The following CCDC6 variants were observed in gnomAD, a reference collection of about 807,000 sequenced individuals.
The protein encoded by CCDC6 is coiled-coil domain-containing protein 6.
CCDC6 carries 20 observed loss-of-function variants against 56.6 expected under a neutral mutation model. That is an observed-to-expected ratio of 0.35 (90% CI 0.25 to 0.51). The LOEUF (loss-of-function observed/expected upper bound fraction) is 0.51, where lower values mean the gene tolerates loss of function less well. CCDC6 is among the 20% of genes least tolerant of loss of function. The pLI, the probability that CCDC6 is intolerant of heterozygous loss-of-function variation, is 0.95. For missense variants in CCDC6, 367 were observed against 601.1 expected, an observed-to-expected ratio of 0.61 and a Z score of 4.07; for synonymous variants, 241 against 234.4, an observed-to-expected ratio of 1.03 and a Z score of -0.26.
chr10:59,804,778 G>A (rs1030737828), intron 6 of CCDC6: 3 of 409,818 alleles, frequency 7.3e-6, no homozygotes, highest in African/African-American at 4.0e-5. Context: ...TGAAAGAGGT[G>A]CACCACACCA....
Position 59,906,490 on chromosome 10 carries a change from C to A in CCDC6, c.-66G>T, listed in dbSNP as rs1437479608. On this transcript the variant is annotated 5_prime_UTR_variant, in exon 1 of 9. Transcript: ENST00000263102. Reference sequence around the variant, plus strand: ...GGCGGCGGCGACGAAGGCCGGGCTGCGAATGAGTGGGCGCCGGGCGAGCAC... The same window carrying A: ...GGCGGCGGCGACGAAGGCCGGGCTGAGAATGAGTGGGCGCCGGGCGAGCAC... The A allele has an allele frequency of 1.3e-5, 17 of 1,344,192 alleles. No individual in the cohort carries two copies. Among genetic ancestry groups the A allele is most frequent in the East Asian group, 2.8e-5 (1 of 35,266 alleles). The allele number at this position is 1,344,192 out of a possible 1,614,324, so 83.3% of individuals were successfully genotyped here.
chr10:59,846,218 A>C (rs1373434247), intron 2 of CCDC6, among the ~76,000 whole-genome samples: 19 of 152,352 alleles, frequency 1.2e-4, no homozygotes, highest in Non-Finnish European at 1.0e-4. Flanking sequence ...CCACTTCTCC[A>C]GAATTGACAG....
At chr10:59,814,599 AAC>A (rs111613433) in intron 4 of CCDC6, 51 bp downstream of exon 4, 75,707 of 802,644 alleles carry the variant, frequency 0.094, no homozygotes, top group East Asian at 0.2. Flanking sequence ...CCAGAGCAGC[AAC>A]ACACACACAC....
chr10:59,822,829 C>T (rs2070758546), intron 3 of CCDC6, among the ~76,000 whole-genome samples: 3 of 152,098 alleles, frequency 2.0e-5, no homozygotes, highest in Non-Finnish European at 2.9e-5. Context: ...ACTCATATCC[C>T]TGTTTTTCCA....
At chr10:59,817,723 A>T (rs1265308363) in intron 3 of CCDC6, among the ~76,000 whole-genome samples, 2 of 152,022 alleles carry the variant, frequency 1.3e-5, no homozygotes, top group African/African-American at 4.8e-5. Flanking sequence ...GTCTTTACCC[A>T]TATGTAACTA....
chr10:59,863,277 T>C (rs796494277), intron 1 of CCDC6, among the ~76,000 whole-genome samples: 1 of 152,360 alleles, frequency 6.6e-6, no homozygotes, highest in African/African-American at 2.4e-5. Context: ...CATTTTGTCA[T>C]GCTTTATAAC....
intron 1 of CCDC6, among the ~76,000 whole-genome samples, chr10:59,875,123 T>C (rs2071267259): frequency 6.6e-6 from 1 of 152,164 alleles, no homozygotes; most frequent in African/African-American, 2.4e-5. Flanking sequence ...GGAAAAAACA[T>C]GGTGGGAACC....
At chr10:59,874,160 T>C (rs1423665727) in intron 1 of CCDC6, among the ~76,000 whole-genome samples, 1 of 137,302 alleles carries the variant, frequency 7.3e-6, no homozygotes, top group Non-Finnish European at 1.6e-5. Context: ...CACCCCTACA[T>C]AGATTCCATA....
intron 1 of CCDC6, among the ~76,000 whole-genome samples, chr10:59,861,751 A>G (rs1295152330): frequency 6.6e-6 from 1 of 152,240 alleles, no homozygotes; most frequent in South Asian, 2.1e-4. Context: ...AAACTGAAAG[A>G]TAAGTCAACA....
chr10:59,825,642 C>A (rs2070782205), intron 3 of CCDC6, among the ~76,000 whole-genome samples: 2 of 152,180 alleles, frequency 1.3e-5, no homozygotes, highest in Admixed American at 1.3e-4. Context: ...GAGTTAGTTG[C>A]TGTAGCTACT....
chr10:59,904,067 A>G (rs1334493277), intron 1 of CCDC6, among the ~76,000 whole-genome samples: 4 of 152,224 alleles, frequency 2.6e-5, no homozygotes, highest in African/African-American at 9.6e-5. Flanking sequence ...TGAATATATT[A>G]GTCAGAAATT....
intron 2 of CCDC6, among the ~76,000 whole-genome samples, chr10:59,837,819 A>G (rs2070897518): frequency 9.7e-6 from 1 of 103,558 alleles, no homozygotes; most frequent in Non-Finnish European, 1.9e-5. Context: ...TCACTAGTCA[A>G]CTAATATCTG....
chr10:59,866,232 C>T lies in CCDC6; in HGVS notation c.304-13530G>A, dbSNP rs148331518. Among the ~76,000 whole-genome samples, 654 of 152,324 alleles carry T rather than the reference C, an allele frequency of 4.3e-3. 6 individuals are homozygous for T. The highest frequency in any genetic ancestry group is 0.015 in the African/African-American group (634 of 41,570). On this transcript the variant is annotated intron_variant, in intron 1 of 8. Transcript: ENST00000263102. ...CCTCCTAGCAATTAAAGAAAAGCAA[C>T]ATCATTAATCCATACATTTAGCAAT...
intron 1 of CCDC6, among the ~76,000 whole-genome samples, chr10:59,875,318 T>C (rs550108561): frequency 2.0e-5 from 3 of 152,338 alleles, no homozygotes; most frequent in African/African-American, 4.8e-5. Flanking sequence ...CACTAAAATA[T>C]ATTTAAAGTC....
intron 3 of CCDC6, among the ~76,000 whole-genome samples, chr10:59,817,770 T>C (rs915412197): frequency 6.6e-6 from 1 of 152,210 alleles, no homozygotes; most frequent in Non-Finnish European, 1.5e-5. Flanking sequence ...ACTCAGCTGC[T>C]GTAGCTCCGA....
At chr10:59,804,156 T>A (rs537807229) in intron 7 of CCDC6, among the ~76,000 whole-genome samples, 72 of 151,284 alleles carry the variant, frequency 4.8e-4, no homozygotes, top group African/African-American at 1.7e-3. Context: ...TTCTTCTTTT[T>A]AAAAGGTGTT....
In CCDC6 at chr10:59,818,500, G is replaced by A. The variant is rs376676049; in HGVS notation, c.583-3745C>T. Among the ~76,000 whole-genome samples the A allele has an allele frequency of 1.5e-4, 22 of 142,144 alleles. 1 individual carries two copies. The highest frequency in any genetic ancestry group is 4.1e-4 in the African/African-American group (16 of 39,064). 93.3% of individuals were successfully genotyped at this position (142,144 alleles called of 152,430 possible). ...TCCTTTTATTATAATGTTGACGGGG[G>A]GGGGGGAAGCAGATTCTCAGTGGGG... On this transcript the variant is annotated intron_variant, in intron 3 of 8. Coordinates refer to ENST00000263102, the MANE Select transcript of CCDC6 (RefSeq NM_005436.5).
chr10:59,834,626 A>G (rs1222218983), intron 2 of CCDC6, among the ~76,000 whole-genome samples: 2 of 152,136 alleles, frequency 1.3e-5, no homozygotes, highest in African/African-American at 4.8e-5. Flanking sequence ...CACTGGAAAT[A>G]TTGACTAAAT....
At chr10:59,803,212 T>C (rs777712023) in intron 7 of CCDC6, among the ~76,000 whole-genome samples, 1 of 152,094 alleles carries the variant, frequency 6.6e-6, no homozygotes, top group Non-Finnish European at 1.5e-5. Context: ...CCTTCTGCTT[T>C]GGAATCAGCA....
Sources: allele counts gnomAD v4.1 joint callset (sites outside exome capture counted in the v4.1 genomes callset), GRCh38; gene constraint gnomAD v4.1.1; transcripts MANE v1.5; gene names NCBI Gene and HGNC (gene_info 2026-07-23, HGNC 2026-07-21).